Variants in TLL1 observed in about 807,000 individuals in gnomAD.
TLL1 encodes tolloid-like protein 1.
Under a neutral mutation model 128.2 loss-of-function variants are expected in TLL1, and 49 were observed. The observed-to-expected ratio is 0.38, with a 90% CI of 0.30 to 0.48. TLL1 has a LOEUF of 0.48. Among genes scored for constraint, TLL1 ranks in the 20% least tolerant of loss-of-function variants. The pLI, the probability that TLL1 is intolerant of heterozygous loss-of-function variation, is 0.96. For synonymous variants in TLL1, 454 were observed against 418.8 expected, an observed-to-expected ratio of 1.08 and a Z score of -1.03; for missense variants, 1,123 against 1,242.0, an observed-to-expected ratio of 0.90 and a Z score of 1.44.
At chr4:165,902,043 G>A (rs952771750) in intron 1 of TLL1, among the ~76,000 whole-genome samples, 2 of 152,158 alleles carry the variant, frequency 1.3e-5, no homozygotes, top group Non-Finnish European at 2.9e-5. Flanking sequence ...TGTTTACACT[G>A]TGAGGGGAAA....
intron 7 of TLL1, among the ~76,000 whole-genome samples, chr4:166,008,406 G>T (rs1452502834): frequency 6.6e-6 from 1 of 151,360 alleles, no homozygotes; most frequent in African/African-American, 2.4e-5. Context: ...AATGAAAATT[G>T]GATATTTATA....
chr4:166,007,591 G>A (rs1442387944), intron 6 of TLL1, among the ~76,000 whole-genome samples: 1 of 151,618 alleles, frequency 6.6e-6, no homozygotes, highest in Non-Finnish European at 1.5e-5. Context: ...GAAACTCATA[G>A]ATAAAAACAT....
intron 18 of TLL1, 119 bp from the exon 19 acceptor site, chr4:166,091,009 T>A: frequency 1.3e-6 from 1 of 753,728 alleles, no homozygotes; most frequent in Non-Finnish European, 2.1e-6. Flanking sequence ...GCTGTAAATG[T>A]GTTAAATTAT....
rs370548962 is a variant in TLL1, at chr4:166,089,293, G to A, written c.2443-1835G>A. Among the ~76,000 whole-genome samples, 68 of 152,174 alleles carry A rather than the reference G, an allele frequency of 4.5e-4. No homozygotes were observed. The South Asian group carries it at 0.013, about 30-fold the overall frequency. ...GGTTTCCTATCAATTACAAACTGAT[G>A]TTAGGAGTGTATATATGTACACAAT... is the stretch of plus-strand genomic sequence containing the variant. On this transcript the variant is annotated intron_variant, in intron 18 of 20. Transcript: ENST00000061240.
chr4:166,082,000 G>T (rs1361092410), intron 18 of TLL1, among the ~76,000 whole-genome samples: 1 of 152,116 alleles, frequency 6.6e-6, no homozygotes, highest in Non-Finnish European at 1.5e-5. Context: ...AGGACATAAA[G>T]CATGTCTGTT....
intron 9 of TLL1, chr4:166,031,039 ATAAGT>A (rs1475850516): frequency 1.1e-6 from 1 of 882,710 alleles, no homozygotes; most frequent in East Asian, 1.2e-4. Flanking sequence ...TAAAAATTTA[ATAAGT>A]TAATACCCAT....
intron 1 of TLL1, among the ~76,000 whole-genome samples, chr4:165,942,272 C>T (rs1445580316): frequency 6.7e-6 from 1 of 149,496 alleles, no homozygotes; most frequent in African/African-American, 2.5e-5. Context: ...TCCCACCACC[C>T]TCCTTTTTTT....
At chr4:165,956,064 T>G (rs1236470254) in intron 1 of TLL1, among the ~76,000 whole-genome samples, 4 of 151,972 alleles carry the variant, frequency 2.6e-5, no homozygotes, top group Admixed American at 1.3e-4. Context: ...AAAGATCACA[T>G]GCTTCAAAGG....
At chr4:165,939,470 A>G (rs1021895273) in intron 1 of TLL1, among the ~76,000 whole-genome samples, 1 of 152,050 alleles carries the variant, frequency 6.6e-6, no homozygotes, top group African/African-American at 2.4e-5. Context: ...ATGTAGCTTA[A>G]TAGATCTGAA....
At position 166,077,919 on chromosome 4, in the gene TLL1, G is replaced by A. The variant is rs1741110079; in HGVS notation, c.2331G>A (p.Lys777=). The A allele has an allele frequency of 6.2e-7, 1 of 1,613,400 alleles. No homozygotes were observed. The highest frequency in any genetic ancestry group is 8.5e-7 in the Non-Finnish European group (1 of 1,179,680). Residue 777 remains lysine (K), a synonymous_variant, in exon 18 of 21, where the codon AAG becomes AAA. Coordinates refer to ENST00000061240, the MANE Select transcript of TLL1 (RefSeq NM_012464.5). Reference sequence around the variant, plus strand: ...TTGGTGCAGCTGAGTGTGAACAGAAGATCCACAGTCCAAGTGGCCTCATCA... The same window carrying A: ...TTGGTGCAGCTGAGTGTGAACAGAAAATCCACAGTCCAAGTGGCCTCATCA... ...HDCKEAECEQ[K]IHSPSGLITS...
rs143270196 is a variant in TLL1 at position 166,087,143 on chromosome 4, TACAA to T, written c.2443-3975_2443-3972del. Reference sequence around the variant, plus strand: ...GAATTAATGTTCATTCAAAACAAAATACAAACAAACAAAGTTCTAGGCATCCAAG... The same window carrying T: ...GAATTAATGTTCATTCAAAACAAAATACAAACAAAGTTCTAGGCATCCAAG... On this transcript the variant is annotated intron_variant, in intron 18 of 20. Transcript: ENST00000061240. Among the ~76,000 whole-genome samples, 222 of 152,228 alleles carry T rather than the reference TACAA, an allele frequency of 1.5e-3. No homozygotes were observed. The East Asian group carries it at 0.022, about 15-fold the overall frequency.
intron 5 of TLL1, among the ~76,000 whole-genome samples, chr4:166,000,246 A>G (rs990235721): frequency 6.6e-6 from 1 of 152,366 alleles, no homozygotes; most frequent in South Asian, 2.1e-4. Context: ...TTAAAATCAC[A>G]TTAAAAATAC....
At chr4:166,070,175 A>G (rs1042670161) in intron 16 of TLL1, among the ~76,000 whole-genome samples, 10 of 151,862 alleles carry the variant, frequency 6.6e-5, no homozygotes, top group African/African-American at 2.2e-4. Flanking sequence ...TTAATTTTAT[A>G]TGATATATTT....
intron 12 of TLL1, among the ~76,000 whole-genome samples, chr4:166,054,522 G>T (rs900614305): frequency 4.0e-5 from 6 of 151,054 alleles, no homozygotes; most frequent in African/African-American, 1.5e-4. Context: ...CCACTAACTC[G>T]TCATCTAGCA....
At chr4:166,072,613 T>C (rs1375372013) in intron 16 of TLL1, among the ~76,000 whole-genome samples, 1 of 152,012 alleles carries the variant, frequency 6.6e-6, no homozygotes, top group Non-Finnish European at 1.5e-5. Flanking sequence ...AAATTAATTA[T>C]ACTCAAAAAT....
At chr4:166,065,236 A>T (rs928578757) in intron 15 of TLL1, among the ~76,000 whole-genome samples, 1 of 152,102 alleles carries the variant, frequency 6.6e-6, no homozygotes, top group Non-Finnish European at 1.5e-5. Flanking sequence ...AAATTAAGAA[A>T]TATCAGTCCT....
intron 7 of TLL1, among the ~76,000 whole-genome samples, chr4:166,013,260 G>A (rs1382750506): frequency 6.6e-6 from 1 of 151,592 alleles, no homozygotes; most frequent in Non-Finnish European, 1.5e-5. Context: ...TTACTACCTG[G>A]ATTATTAATC....
chr4:166,033,688 A>G (rs1435006882), intron 9 of TLL1, among the ~76,000 whole-genome samples: 1 of 152,178 alleles, frequency 6.6e-6, no homozygotes, highest in African/African-American at 2.4e-5. Context: ...TTCAGTTCAC[A>G]TGCATATCTT....
chr4:166,006,819 G>C (rs1019936468), intron 6 of TLL1, among the ~76,000 whole-genome samples: 1 of 151,598 alleles, frequency 6.6e-6, no homozygotes, highest in Non-Finnish European at 1.5e-5. Flanking sequence ...GTAACTTCAG[G>C]TTGATTCTTC....
Sources: allele counts gnomAD v4.1 joint callset (sites outside exome capture counted in the v4.1 genomes callset), GRCh38; gene constraint gnomAD v4.1.1; transcripts MANE v1.5; gene names NCBI Gene and HGNC (gene_info 2026-07-23, HGNC 2026-07-21).